CDH13: variants seen among roughly 807,000 people sequenced by gnomAD.
CDH13 encodes the protein cadherin 13, also known as cadherin-13.
A neutral mutation model predicts 63.8 loss-of-function variants in CDH13; 24 were observed. The observed-to-expected ratio is 0.38, with a 90% CI of 0.27 to 0.53. The LOEUF (loss-of-function observed/expected upper bound fraction) is 0.53. Ranked by LOEUF, CDH13 falls within the 20% of genes least tolerant of loss-of-function variation. The pLI is 0.85. For missense variants in CDH13, 1,049 were observed against 903.1 expected (o/e 1.16, Z -2.07); for synonymous variants, 503 against 355.3 (o/e 1.42, Z -4.67).
At chr16:83,787,360 C>G (rs1915954847) in intron 13 of CDH13, among the ~76,000 whole-genome samples, 1 of 152,042 alleles carries the variant, frequency 6.6e-6, no homozygotes, top group South Asian at 2.1e-4. Flanking sequence ...ACGTGAAAAC[C>G]CTTCTTTGCC....
chr16:82,839,110 A>G (rs1273368100), intron 1 of CDH13, among the ~76,000 whole-genome samples: 2 of 152,232 alleles, frequency 1.3e-5, no homozygotes, highest in African/African-American at 4.8e-5. Context: ...TGGTTTGCCA[A>G]TCAATGGTTT....
intron 5 of CDH13, among the ~76,000 whole-genome samples, chr16:83,275,908 T>C (rs996759798): frequency 1.1e-4 from 16 of 152,144 alleles, no homozygotes; most frequent in Admixed American, 8.5e-4. Flanking sequence ...AATGAAGCAC[T>C]TTCGTTTTTA....
At chr16:82,870,866 G>T (rs1423383124) in intron 2 of CDH13, among the ~76,000 whole-genome samples, 2 of 152,204 alleles carry the variant, frequency 1.3e-5, no homozygotes, top group African/African-American at 2.4e-5. Context: ...AATATTAGCT[G>T]TCAGAAACAG....
At chr16:82,964,220 G>A (rs564680747) in intron 2 of CDH13, among the ~76,000 whole-genome samples, 2 of 152,158 alleles carry the variant, frequency 1.3e-5, no homozygotes, top group African/African-American at 2.4e-5. Context: ...GAGAGGCATA[G>A]GCTGATGTAA....
chr16:82,683,155 C>T (rs1914725187), intron 1 of CDH13, among the ~76,000 whole-genome samples: 1 of 152,162 alleles, frequency 6.6e-6, no homozygotes, highest in Non-Finnish European at 1.5e-5. Flanking sequence ...AGTCGTAGAT[C>T]AGAAGATGTC....
chr16:83,218,072 C>A (rs928489922), intron 5 of CDH13, among the ~76,000 whole-genome samples: 15 of 152,102 alleles, frequency 9.9e-5, no homozygotes, highest in Admixed American at 2.0e-4. Flanking sequence ...TTGCACATAT[C>A]ATGAGGTGTA....
intron 3 of CDH13, among the ~76,000 whole-genome samples, chr16:83,119,365 C>T (rs1262017556): frequency 2.6e-5 from 4 of 152,156 alleles, no homozygotes; most frequent in Non-Finnish European, 5.9e-5. Context: ...CTCCTGAATG[C>T]AATTCCTCAT....
intron 2 of CDH13, among the ~76,000 whole-genome samples, chr16:82,938,281 G>A (rs569766298): frequency 2.0e-5 from 3 of 152,256 alleles, no homozygotes; most frequent in South Asian, 4.1e-4. Context: ...AAAAGGAATC[G>A]TGATAAGGTG....
chr16:83,422,995 G>T (rs866680849), intron 6 of CDH13, among the ~76,000 whole-genome samples: 3 of 152,132 alleles, frequency 2.0e-5, no homozygotes, highest in South Asian at 2.1e-4. Context: ...AATTAGACAT[G>T]CAAGATTTAC....
intron 2 of CDH13, among the ~76,000 whole-genome samples, chr16:83,022,361 C>G (rs1051913806): frequency 6.6e-6 from 1 of 152,216 alleles, no homozygotes; most frequent in Non-Finnish European, 1.5e-5. Flanking sequence ...AACAGACAAT[C>G]TACATTCTTA....
At chr16:82,671,895 C>G (rs748983147) in intron 1 of CDH13, among the ~76,000 whole-genome samples, 1 of 152,042 alleles carries the variant, frequency 6.6e-6, no homozygotes, top group Non-Finnish European at 1.5e-5. Context: ...GAGAAGTGCC[C>G]CCTGCTGGCC....
intron 6 of CDH13, among the ~76,000 whole-genome samples, chr16:83,397,665 G>A (rs1479987214): frequency 6.6e-6 from 1 of 152,174 alleles, no homozygotes; most frequent in African/African-American, 2.4e-5. Flanking sequence ...TATTTGATAA[G>A]TTATCGGAGT....
chr16:82,845,186 G>A (rs1018929612), intron 1 of CDH13, among the ~76,000 whole-genome samples: 1 of 152,144 alleles, frequency 6.6e-6, no homozygotes, highest in African/African-American at 2.4e-5. Flanking sequence ...TAGACAGCCA[G>A]GGGCCAGTGC....
At chr16:83,321,737 C>T (rs2090231351) in intron 5 of CDH13, among the ~76,000 whole-genome samples, 1 of 151,982 alleles carries the variant, frequency 6.6e-6, no homozygotes, top group Non-Finnish European at 1.5e-5. Context: ...ATCGTGTTAG[C>T]CAGGATGGTC....
chr16:82,803,573 G>A (rs2036981324), intron 1 of CDH13, among the ~76,000 whole-genome samples: 1 of 152,158 alleles, frequency 6.6e-6, no homozygotes, highest in African/African-American at 2.4e-5. Flanking sequence ...AGTCGTTTAG[G>A]TGTGCTATAG....
intron 5 of CDH13, among the ~76,000 whole-genome samples, chr16:83,249,599 A>T (rs999338853): frequency 6.6e-6 from 1 of 152,202 alleles, no homozygotes; most frequent in Non-Finnish European, 1.5e-5. Context: ...GCACTCAGAG[A>T]GGTAAGATCT....
rs563367149 is a variant in CDH13 at position 83,463,001 on chromosome 16, C to A, written c.782-23476C>A. Among the ~76,000 whole-genome samples, 33 of 152,146 alleles carry A rather than the reference C, an allele frequency of 2.2e-4. No homozygotes were observed. The South Asian group carries it at 4.6e-3, about 21-fold the overall frequency. ...TGATCACCCAACAGACAATGGTAAA[C>A]CCAGTGTGCCAAGCTCTAGGCAGAG... On this transcript the variant is annotated intron_variant, in intron 6 of 13. Transcript: ENST00000567109.
chr16:82,966,047 G>A (rs986769725), intron 2 of CDH13, among the ~76,000 whole-genome samples: 2 of 152,184 alleles, frequency 1.3e-5, no homozygotes, highest in Admixed American at 6.5e-5. Context: ...ACCTTGGCAG[G>A]CAGGCTCAGG....
intron 1 of CDH13, among the ~76,000 whole-genome samples, chr16:82,692,574 G>A (rs1408346301): frequency 6.6e-6 from 1 of 152,148 alleles, no homozygotes; most frequent in Non-Finnish European, 1.5e-5. Context: ...TTCCTTCCAT[G>A]ACATGTGAGA....
Sources: allele counts gnomAD v4.1 joint callset (sites outside exome capture counted in the v4.1 genomes callset), GRCh38; gene constraint gnomAD v4.1.1; transcripts MANE v1.5; gene names NCBI Gene and HGNC (gene_info 2026-07-23, HGNC 2026-07-21).